Variants in PCDHGA6 observed in about 807,000 individuals in gnomAD.
PCDHGA6 encodes the protein protocadherin gamma-A6.
In PCDHGA6, 41 loss-of-function variants were observed where a neutral mutation model predicts 60.6. That is an observed-to-expected ratio of 0.68 (90% CI 0.53 to 0.88). The LOEUF (loss-of-function observed/expected upper bound fraction) is 0.88. PCDHGA6 is among the 40% of genes least tolerant of loss of function. The pLI is 0.00. For missense variants in PCDHGA6, 1,312 were observed against 1,203.0 expected, an observed-to-expected ratio of 1.09 and a Z score of -1.34; for synonymous variants, 594 against 524.4, an observed-to-expected ratio of 1.13 and a Z score of -1.81.
chr5:141,405,398 CT>C, intron 1 of PCDHGA6: 1 of 1,590,264 alleles, frequency 6.3e-7, no homozygotes, highest in Non-Finnish European at 8.6e-7. Context: ...TTTTTTCTTT[CT>C]TTCTTTTCTT....
intron 1 of PCDHGA6, chr5:141,420,146 C>G (rs372634787): frequency 1.9e-6 from 3 of 1,613,962 alleles, no homozygotes; most frequent in Non-Finnish European, 2.5e-6. Flanking sequence ...TCAAATGAAT[C>G]CAGAATTTAA....
intron 1 of PCDHGA6, among the ~76,000 whole-genome samples, chr5:141,436,383 G>C (rs1374382672): frequency 6.6e-6 from 1 of 152,104 alleles, no homozygotes; most frequent in Admixed American, 6.5e-5. Context: ...AGCTGAATAG[G>C]CTTTATTAAA....
Position 141,409,090 on chromosome 5 carries a change from G to C in PCDHGA6, c.2424+32583G>C, listed in dbSNP as rs181368417. 9.9e-5 allele frequency: 159 copies of C among 1,614,024 alleles called. No individual in the cohort carries two copies. The African/African-American group carries it at 1.9e-3, about 19-fold the overall frequency. On this transcript the variant is annotated intron_variant, in intron 1 of 3. Transcript: ENST00000517434. ...CAAAACATATGTTCTCATTGGATGA[G>C]AAAACAGGTATGATTAAGAATAACC...
chr5:141,413,272 C>T lies in PCDHGA6; in HGVS notation c.2424+36765C>T, dbSNP rs753942667. Reference sequence around the variant, plus strand: ...CGGGATTCCATGGGAGGCTGGAGCCCGGCAGATCTCCTACTCAATTCCTGA... The same window carrying T: ...CGGGATTCCATGGGAGGCTGGAGCCTGGCAGATCTCCTACTCAATTCCTGA... On this transcript the variant is annotated intron_variant, in intron 1 of 3. Coordinates refer to ENST00000517434, the MANE Select transcript of PCDHGA6 (RefSeq NM_018919.3). 8.1e-6 allele frequency: 13 copies of T among 1,613,944 alleles called. No individual in the cohort carries two copies. In the South Asian group the frequency reaches 1.4e-4, roughly 18 times the overall value.
At chr5:141,488,438 C>T (rs2099675393) in intron 1 of PCDHGA6, among the ~76,000 whole-genome samples, 1 of 152,146 alleles carries the variant, frequency 6.6e-6, no homozygotes, top group African/African-American at 2.4e-5. Flanking sequence ...CTCTGACCAC[C>T]CTCCTGGGTG....
At chr5:141,393,968 C>T (rs2092886432) in intron 1 of PCDHGA6, 1 of 1,613,770 alleles carries the variant, frequency 6.2e-7, no homozygotes, top group Non-Finnish European at 8.5e-7. Context: ...TTGTCTGTTA[C>T]ACACGTGATA....
At position 141,376,756 on chromosome 5, in the gene PCDHGA6, G is replaced by C. The variant is rs1049941497; in HGVS notation, c.2424+249G>C. The stretch of plus-strand genomic sequence containing the variant: ...CTGCGGACTGCAGTGGCGCAATCTC[G>C]GCTCACTGCAAGCTCCGCTTCCCGG... On this transcript the variant is annotated intron_variant, in intron 1 of 3. Transcript: ENST00000517434. 3.1e-5 allele frequency: 14 copies of C among 448,188 alleles called. No individual in the cohort carries two copies. The Admixed American group carries it at 4.2e-4, about 14-fold the overall frequency. The allele number at this position is 448,188 out of a possible 1,614,324, so 27.8% of individuals were successfully genotyped here. A position where few individuals can be genotyped will look rare whatever the true frequency, so the allele number is the denominator to read the frequency against.
Position 141,487,893 on chromosome 5 carries a change from G to A in PCDHGA6, c.2425-6914G>A. Reference sequence around the variant, plus strand: ...AGCCAGGCTGTTGTGGAAGCATGATGATGGAATGTGGGAGCACAGGAGGCT... The same window carrying A: ...AGCCAGGCTGTTGTGGAAGCATGATAATGGAATGTGGGAGCACAGGAGGCT... On this transcript the variant is annotated intron_variant, in intron 1 of 3. Coordinates refer to ENST00000517434, the MANE Select transcript of PCDHGA6 (RefSeq NM_018919.3). The surrounding 1 kb of genome is among the most constrained non-coding windows in gnomAD (Gnocchi z 5.0). The A allele has an allele frequency of 1.4e-6, 1 of 731,472 alleles. No individual in the cohort carries two copies. The highest frequency in any genetic ancestry group is 2.2e-6 in the Non-Finnish European group (1 of 450,166). 45.3% of individuals were successfully genotyped at this position (731,472 alleles called of 1,614,324 possible). A position where few individuals can be genotyped will look rare whatever the true frequency, so the allele number is the denominator to read the frequency against.
chr5:141,419,632 G>A (rs1210031265), intron 1 of PCDHGA6: 1 of 1,612,432 alleles, frequency 6.2e-7, no homozygotes, highest in Admixed American at 1.7e-5. Flanking sequence ...TGACCAAGGT[G>A]GTGGCCGTGG....
At chr5:141,389,114 C>T in intron 1 of PCDHGA6, 2 of 1,614,004 alleles carry the variant, frequency 1.2e-6, no homozygotes, top group Non-Finnish European at 1.7e-6. Context: ...TTCTAGACCG[C>T]GAGCAGAATC....
At chr5:141,393,177 G>T (rs1330463387) in intron 1 of PCDHGA6, 1 of 1,613,292 alleles carries the variant, frequency 6.2e-7, no homozygotes, top group Non-Finnish European at 8.5e-7. Context: ...GGTAGAAATA[G>T]AAATAATTGA....
intron 1 of PCDHGA6, chr5:141,399,261 T>G: frequency 1.2e-6 from 2 of 1,613,918 alleles, no homozygotes; most frequent in Non-Finnish European, 1.7e-6. Context: ...ATGGGGAGGT[T>G]AATTGTCAAT....
intron 1 of PCDHGA6, chr5:141,430,711 C>T (rs2097304226): frequency 1.3e-6 from 2 of 1,483,856 alleles, no homozygotes; most frequent in African/African-American, 2.8e-5. Context: ...CTGCTCCTGA[C>T]TTCAGTGGTT....
rs529787438 is a variant in PCDHGA6 at position 141,470,330 on chromosome 5, G to A, written c.2425-24477G>A. Among the ~76,000 whole-genome samples the A allele has an allele frequency of 3.3e-4, 50 of 152,144 alleles. 1 individual carries two copies. The highest frequency in any genetic ancestry group is 1.1e-3 in the African/African-American group (47 of 41,498). ...TTTTCCTCAAATGATCCCATAATTT[G>A]ACCTTAGGAAGCTGTTCAAATAGAC... On this transcript the variant is annotated intron_variant, in intron 1 of 3. Coordinates refer to ENST00000517434, the MANE Select transcript of PCDHGA6 (RefSeq NM_018919.3).
intron 2 of PCDHGA6, among the ~76,000 whole-genome samples, chr5:141,497,501 C>T (rs1268186916): frequency 6.6e-6 from 1 of 151,182 alleles, no homozygotes; most frequent in Non-Finnish European, 1.5e-5. Flanking sequence ...TCTCTCCTCT[C>T]TCTGCTTCCT....
chr5:141,392,822 T>C (rs1234169256), intron 1 of PCDHGA6: 1 of 1,595,210 alleles, frequency 6.3e-7, no homozygotes, highest in East Asian at 2.2e-5. Context: ...CAATGGCCGC[T>C]CCACAGAGTC....
chr5:141,485,737 C>T lies in PCDHGA6; in HGVS notation c.2425-9070C>T. On this transcript the variant is annotated intron_variant, in intron 1 of 3. Coordinates refer to ENST00000517434, the MANE Select transcript of PCDHGA6 (RefSeq NM_018919.3). The surrounding 1 kb of genome is among the most constrained non-coding windows in gnomAD (Gnocchi z 5.7). ...TGGATGTGAAGAAGCGCAGCGACGGCAGCCTGGTCCCAGAGCTGCTCCTGG... is the reference window on the plus strand; with the variant it reads ...TGGATGTGAAGAAGCGCAGCGACGGTAGCCTGGTCCCAGAGCTGCTCCTGG... 6.2e-7 allele frequency: 1 copy of T among 1,614,222 alleles called. No individual in the cohort carries two copies. Among genetic ancestry groups the T allele is most frequent in the Non-Finnish European group, 8.5e-7 (1 of 1,180,036 alleles).
At chr5:141,399,922 T>C in intron 1 of PCDHGA6, 1 of 1,612,334 alleles carries the variant, frequency 6.2e-7, no homozygotes, top group African/African-American at 1.3e-5. Flanking sequence ...ACACAACGCC[T>C]GGCTGTCCTA....
intron 1 of PCDHGA6, chr5:141,418,431 A>T (rs751083183): frequency 1.9e-6 from 3 of 1,614,000 alleles, no homozygotes; most frequent in East Asian, 2.2e-5. Flanking sequence ...GGTGGCAAAT[A>T]TCCAGAATTA....
Sources: gnomAD v4.1 joint callset for allele counts (sites outside exome capture counted in the v4.1 genomes callset) on GRCh38, gnomAD v4.1.1 for gene constraint, Gnocchi (gnomAD v3.1) non-coding constraint, MANE v1.5 for transcripts, NCBI Gene and HGNC (gene_info 2026-07-23, HGNC 2026-07-21) for gene names.